Variants in GATAD2B observed in about 807,000 individuals in gnomAD.
The protein encoded by GATAD2B is GATA zinc finger domain containing 2B.
A neutral mutation model predicts 64.3 loss-of-function variants in GATAD2B; 8 were observed. That is an observed-to-expected ratio of 0.12 (90% CI 0.07 to 0.22). The LOEUF (loss-of-function observed/expected upper bound fraction) is 0.22, where lower values mean the gene tolerates loss of function less well. Ranked by LOEUF, GATAD2B falls within the 10% of genes least tolerant of loss-of-function variation. GATAD2B has a pLI of 1.00. For missense variants in GATAD2B, 453 were observed against 752.0 expected (o/e 0.60, Z 4.65); for synonymous variants, 281 against 271.3 (o/e 1.04, Z -0.35).
At chr1:153,829,417 T>C (rs1241063155) in intron 1 of GATAD2B, among the ~76,000 whole-genome samples, 1 of 152,160 alleles carries the variant, frequency 6.6e-6, no homozygotes, top group Non-Finnish European at 1.5e-5. Context: ...TCAATTTCAT[T>C]TGTAAAAATG....
At chr1:153,826,097 G>C (rs139989919) in intron 2 of GATAD2B, among the ~76,000 whole-genome samples, 1 of 151,740 alleles carries the variant, frequency 6.6e-6, no homozygotes, top group African/African-American at 2.4e-5. Context: ...TCCACCTCCC[G>C]GGTTCACACC....
intron 1 of GATAD2B, among the ~76,000 whole-genome samples, chr1:153,849,216 G>A (rs1239756197): frequency 2.0e-5 from 3 of 152,168 alleles, no homozygotes; most frequent in Non-Finnish European, 4.4e-5. Flanking sequence ...CAGAAGTTGG[G>A]AAGCCTAACA....
intron 1 of GATAD2B, among the ~76,000 whole-genome samples, chr1:153,907,638 T>A (rs986086443): frequency 1.1e-4 from 15 of 132,802 alleles, no homozygotes; most frequent in Non-Finnish European, 2.2e-4. Context: ...AAAGGGTAAA[T>A]TTTTTTTTTT....
chr1:153,840,989 G>T lies in GATAD2B; in HGVS notation c.-1-12641C>A, dbSNP rs558955322. Among the ~76,000 whole-genome samples, 37 of 152,068 alleles carry T rather than the reference G, an allele frequency of 2.4e-4. No homozygotes were observed. In the East Asian group the frequency reaches 7.0e-3, roughly 29 times the overall value. ...AAATAGAAAAAGTTAGCCGGGCGTG[G>T]TGGCATGTGCCTGTAGTCTGAGCTA... On this transcript the variant is annotated intron_variant, in intron 1 of 10. Coordinates refer to ENST00000368655, the MANE Select transcript of GATAD2B (RefSeq NM_020699.4).
intron 1 of GATAD2B, among the ~76,000 whole-genome samples, chr1:153,898,331 A>G (rs1677665835): frequency 6.9e-6 from 1 of 144,922 alleles, no homozygotes; most frequent in Admixed American, 6.7e-5. Context: ...AAAGAAAAAA[A>G]GAAAAAAGAA....
intron 1 of GATAD2B, among the ~76,000 whole-genome samples, chr1:153,878,774 C>CTTTTTTTT (rs71093297): frequency 1.8e-5 from 2 of 108,142 alleles, no homozygotes; most frequent in East Asian, 2.7e-4. Flanking sequence ...TACTTTATTC[C>CTTTTTTTT]TTTTTTTTTT....
intron 1 of GATAD2B, among the ~76,000 whole-genome samples, chr1:153,898,284 G>A (rs1232890598): frequency 3.3e-5 from 4 of 120,886 alleles, no homozygotes; most frequent in Non-Finnish European, 6.5e-5. Flanking sequence ...TTCGGCCTGG[G>A]CAACAGAGTA....
chr1:153,860,925 G>A (rs923959219), intron 1 of GATAD2B, among the ~76,000 whole-genome samples: 3 of 152,066 alleles, frequency 2.0e-5, no homozygotes, highest in South Asian at 2.1e-4. Flanking sequence ...CATAAACCAC[G>A]GGGCCCAGCC....
intron 1 of GATAD2B, among the ~76,000 whole-genome samples, chr1:153,845,742 A>G: frequency 6.6e-6 from 1 of 152,040 alleles, no homozygotes; most frequent in Admixed American, 6.6e-5. Flanking sequence ...TGGGTGACAG[A>G]GCAAGACTCT....
chr1:153,912,771 C>T (rs1011241466), intron 1 of GATAD2B, among the ~76,000 whole-genome samples: 1 of 152,082 alleles, frequency 6.6e-6, no homozygotes, highest in African/African-American at 2.4e-5. Flanking sequence ...TAGGAGTGAA[C>T]ATCATTCAGA....
At chr1:153,813,746 G>C (rs780849091) in intron 7 of GATAD2B, among the ~76,000 whole-genome samples, 11 of 152,170 alleles carry the variant, frequency 7.2e-5, no homozygotes, top group African/African-American at 1.2e-4. Context: ...GGGAGGCTGA[G>C]GTGGACGGCT....
At chr1:153,838,227 CATCT>C (rs1239082965) in intron 1 of GATAD2B, among the ~76,000 whole-genome samples, 1 of 152,156 alleles carries the variant, frequency 6.6e-6, no homozygotes, top group African/African-American at 2.4e-5. Flanking sequence ...TGTATCTGCA[CATCT>C]ATCCATCCAT....
intron 1 of GATAD2B, among the ~76,000 whole-genome samples, chr1:153,897,994 A>G (rs77559148): frequency 2.1e-5 from 3 of 140,854 alleles, no homozygotes; most frequent in Admixed American, 1.5e-4. Flanking sequence ...AACAAACAGA[A>G]AAAAAAAAAC....
At chr1:153,847,850 C>T (rs1311271940) in intron 1 of GATAD2B, among the ~76,000 whole-genome samples, 9 of 151,940 alleles carry the variant, frequency 5.9e-5, no homozygotes. Context: ...TCTATTGTTC[C>T]TAATTTTCAA....
intron 1 of GATAD2B, among the ~76,000 whole-genome samples, chr1:153,904,277 C>T (rs1677861639): frequency 7.0e-6 from 1 of 142,486 alleles, no homozygotes; most frequent in Non-Finnish European, 1.5e-5. Context: ...GAAACTCCAT[C>T]TCAAATAAAT....
chr1:153,805,790 T>G lies in GATAD2B; in HGVS notation c.*4387A>C, dbSNP rs1674094846. On this transcript the variant is annotated 3_prime_UTR_variant, in exon 11 of 11. Transcript: ENST00000368655. The stretch of plus-strand genomic sequence containing the variant: ...TACCAAAGATCATATAGCAAGTTAG[T>G]AGGAGACCCCAGGTCTCCAGATTGT... 6.6e-6 allele frequency: 1 copy of G among 152,192 alleles called. No homozygotes were observed. 9.4% of individuals were successfully genotyped at this position (152,192 alleles called of 1,614,324 possible). A position where few individuals can be genotyped will look rare whatever the true frequency, so the allele number is the denominator to read the frequency against.
intron 1 of GATAD2B, among the ~76,000 whole-genome samples, chr1:153,890,042 C>T (rs928045035): frequency 6.6e-6 from 1 of 151,682 alleles, no homozygotes; most frequent in African/African-American, 2.4e-5. Flanking sequence ...GGCATGGGGG[C>T]ATGCCTGCAA....
rs1488174987 is a variant in GATAD2B at position 153,861,793 on chromosome 1, A to AT, written c.-1-33446_-1-33445insA. ...CGAGACTCCATTTCAAAAAAAAAAA[A>AT]AAATATATATATATATACACATATG... On this transcript the variant is annotated intron_variant, in intron 1 of 10. Transcript: ENST00000368655. Among the ~76,000 whole-genome samples, 561 of 81,816 alleles carry AT rather than the reference A, an allele frequency of 6.9e-3. 8 individuals are homozygous for AT. The highest frequency in any genetic ancestry group is 0.017 in the African/African-American group (426 of 25,090). The allele number at this position is 81,816 out of a possible 152,430, so 53.7% of individuals were successfully genotyped here.
chr1:153,846,773 C>G (rs1238198226), intron 1 of GATAD2B, among the ~76,000 whole-genome samples: 2 of 151,940 alleles, frequency 1.3e-5, no homozygotes, highest in African/African-American at 4.8e-5. Context: ...GTTGGCCAGG[C>G]TGGTCTCGAA....
Sources: allele counts gnomAD v4.1 joint callset (sites outside exome capture counted in the v4.1 genomes callset), GRCh38; gene constraint gnomAD v4.1.1; transcripts MANE v1.5; gene names NCBI Gene and HGNC (gene_info 2026-07-23, HGNC 2026-07-21).